The following FCRL1 variants were observed in gnomAD, a reference collection of about 807,000 sequenced individuals.
FCRL1 encodes Fc receptor like 1.
In FCRL1, 34 loss-of-function variants were observed where a neutral mutation model predicts 49.2. The observed-to-expected ratio is 0.69, with a 90% CI of 0.53 to 0.92. The LOEUF is 0.92. Ranked by LOEUF, FCRL1 falls within the 40% of genes least tolerant of loss-of-function variation. The pLI is 0.00. For synonymous variants in FCRL1, 218 were observed against 201.6 expected, an observed-to-expected ratio of 1.08 and a Z score of -0.69; for missense variants, 524 against 524.1, an observed-to-expected ratio of 1.00 and a Z score of 0.00.
chr1:157,818,945 T>C (rs1489100214), intron 1 of FCRL1, among the ~76,000 whole-genome samples: 1 of 152,158 alleles, frequency 6.6e-6, no homozygotes, highest in African/African-American at 2.4e-5. Context: ...AAGAGGGTCA[T>C]GGGCCTAATG....
intron 2 of FCRL1, chr1:157,806,848 CTG>C (rs1653539404): frequency 5.0e-6 from 2 of 397,958 alleles, no homozygotes; most frequent in Admixed American, 4.5e-5. Context: ...GGAAGTAAGA[CTG>C]TGTTCTTGAG....
Position 157,797,902 on chromosome 1 carries a change from C to A in FCRL1, c.1152G>T (p.Ala384=), listed in dbSNP as rs376569181. 6.2e-7 allele frequency: 1 copy of A among 1,614,142 alleles called. No homozygotes were observed. The highest frequency in any genetic ancestry group is 2.2e-5 in the East Asian group (1 of 44,882). Residue 384 remains alanine (A), a synonymous_variant, in exon 9 of 11, where the codon GCG becomes GCT. Coordinates refer to ENST00000368176, the MANE Select transcript of FCRL1 (RefSeq NM_052938.5). ...VVSGDEVYSL[A]YYNQPEQESV... Reference sequence around the variant, plus strand: ...ATTCCTGCTCCGGCTGGTTATAGTACGCCAGTGAATAAACCTCATCCCCAC... The same window carrying A: ...ATTCCTGCTCCGGCTGGTTATAGTAAGCCAGTGAATAAACCTCATCCCCAC...
chr1:157,799,803 TA>T (rs988005033), intron 7 of FCRL1, among the ~76,000 whole-genome samples: 19 of 151,010 alleles, frequency 1.3e-4, no homozygotes, highest in South Asian at 1.0e-3. Flanking sequence ...ATAATAAAAT[TA>T]AAAAAAAATT....
chr1:157,800,977 C>T (rs1269146024), intron 6 of FCRL1, among the ~76,000 whole-genome samples: 1 of 152,084 alleles, frequency 6.6e-6, no homozygotes, highest in Non-Finnish European at 1.5e-5. Flanking sequence ...CTGCAACCTC[C>T]AACTCCCTGG....
Position 157,795,133 on chromosome 1 carries a change from C to T in FCRL1, c.*966G>A, listed in dbSNP as rs1651286520. On this transcript the variant is annotated 3_prime_UTR_variant, in exon 11 of 11. Transcript: ENST00000368176. ...TGCCTGGTTATTTTAAAATTCAATA[C>T]ATTGCTTGAGCCCAGGAGTTTGAGA... 1 of 152,058 alleles carries T rather than the reference C, an allele frequency of 6.6e-6. No individual in the cohort carries two copies. The highest frequency in any genetic ancestry group is 2.4e-5 in the African/African-American group (1 of 41,372). The allele number at this position is 152,058 out of a possible 1,614,324, so 9.4% of individuals were successfully genotyped here.
chr1:157,797,796 A>G (rs960537220), intron 9 of FCRL1, 72 bp downstream of exon 9: 5 of 1,612,342 alleles, frequency 3.1e-6, no homozygotes, highest in Non-Finnish European at 4.2e-6. Context: ...TCTGCCATGC[A>G]CAGCCACTGA....
intron 1 of FCRL1, among the ~76,000 whole-genome samples, chr1:157,817,318 C>A (rs1655182818): frequency 6.6e-6 from 1 of 151,932 alleles, no homozygotes; most frequent in African/African-American, 2.4e-5. Flanking sequence ...TGTACAGGCA[C>A]AAAAACAGAC....
At chr1:157,801,793 A>G in intron 5 of FCRL1, 122 bp downstream of exon 5, 1 of 1,175,894 alleles carries the variant, frequency 8.5e-7, no homozygotes, top group Non-Finnish European at 1.2e-6. Flanking sequence ...TCATGACAGC[A>G]CCTCACACAG....
intron 2 of FCRL1, among the ~76,000 whole-genome samples, chr1:157,804,758 C>T (rs947689337): frequency 1.3e-5 from 2 of 152,164 alleles, no homozygotes; most frequent in African/African-American, 4.8e-5. Context: ...AGCTTCTTTA[C>T]AAACCTCTGT....
Position 157,801,552 on chromosome 1 carries a change from A to G in FCRL1, c.912T>C (p.His304=), listed in dbSNP as rs1391222351. The G allele has an allele frequency of 2.5e-6, 4 of 1,613,854 alleles. No individual in the cohort carries two copies. Among genetic ancestry groups the G allele is most frequent in the East Asian group, 2.2e-5 (1 of 44,884 alleles). Residue 304 remains histidine (H), a synonymous_variant, in exon 6 of 11, where the codon CAT becomes CAC. Transcript: ENST00000368176. The part of the protein sequence containing the change: ...FTVPTGARSN[H]LTSGVIEGLL... Reference sequence around the variant, plus strand: ...GCCCCTCAATGACTCCTGAGGTAAGATGATTGCTTCTGGCCCCAGTAGGCA... The same window carrying G: ...GCCCCTCAATGACTCCTGAGGTAAGGTGATTGCTTCTGGCCCCAGTAGGCA...
chr1:157,796,026 A>T lies in FCRL1; in HGVS notation c.*73T>A. The T allele has an allele frequency of 8.1e-7, 1 of 1,235,824 alleles. No homozygotes were observed. Among genetic ancestry groups the T allele is most frequent in the Non-Finnish European group, 1.2e-6 (1 of 836,010 alleles). 76.6% of individuals were successfully genotyped at this position (1,235,824 alleles called of 1,614,324 possible). On this transcript the variant is annotated 3_prime_UTR_variant, in exon 11 of 11. Transcript: ENST00000368176. ...TATACTGGAAAGCTAATGCCCCAGG[A>T]TCTCTGAAGAACATATCAGGCCTGA...
At chr1:157,796,846 T>C (rs1187090440) in intron 10 of FCRL1, among the ~76,000 whole-genome samples, 1 of 152,252 alleles carries the variant, frequency 6.6e-6, no homozygotes, top group African/African-American at 2.4e-5. Context: ...AGACTAGGTA[T>C]GCACTGCAGT....
chr1:157,801,155 G>T (rs906990547), intron 6 of FCRL1, among the ~76,000 whole-genome samples: 12 of 152,194 alleles, frequency 7.9e-5, no homozygotes, highest in African/African-American at 2.9e-4. Flanking sequence ...CTCCAAAAGT[G>T]CTGGGATTAC....
intron 10 of FCRL1, 100 bp downstream of exon 10, chr1:157,797,001 G>A: frequency 1.8e-6 from 2 of 1,134,232 alleles, no homozygotes; most frequent in Non-Finnish European, 2.7e-6. Context: ...GTAGACCATG[G>A]GATTTTTGCT....
At chr1:157,816,917 A>AT (rs1315579013) in intron 1 of FCRL1, among the ~76,000 whole-genome samples, 1 of 151,964 alleles carries the variant, frequency 6.6e-6, no homozygotes, top group African/African-American at 2.4e-5. Flanking sequence ...AATAGTTATA[A>AT]AATAATAAAA....
At chr1:157,805,014 C>G (rs1303084813) in intron 2 of FCRL1, among the ~76,000 whole-genome samples, 1 of 152,100 alleles carries the variant, frequency 6.6e-6, no homozygotes, top group African/African-American at 2.4e-5. Context: ...CACATGCCAC[C>G]AAGCCCAGCT....
At chr1:157,802,792 T>C in intron 3 of FCRL1, 128 bp from the exon 4 acceptor site, 1 of 975,616 alleles carries the variant, frequency 1.0e-6, no homozygotes, top group Non-Finnish European at 1.5e-6. Context: ...TTAATTTGGG[T>C]GAGGTGGGGA....
rs752115058 is a variant in FCRL1 at position 157,801,617 on chromosome 1, G to A, written c.887-40C>T. 1.8e-5 allele frequency: 25 copies of A among 1,409,094 alleles called. No homozygotes were observed. In the South Asian group the frequency reaches 2.9e-4, roughly 16 times the overall value. The allele number at this position is 1,409,094 out of a possible 1,614,324, so 87.3% of individuals were successfully genotyped here. On this transcript the variant is annotated intron_variant, in intron 5 of 10. Coordinates refer to ENST00000368176, the MANE Select transcript of FCRL1 (RefSeq NM_052938.5). ...CTGTGCATGATCTGCTCAGAGGAAG[G>A]GCTTGGGGCTTAGAGAGCAGACATC... is the stretch of plus-strand genomic sequence containing the variant.
In FCRL1 at chr1:157,802,552, G is replaced by T; in HGVS notation, c.432C>A (p.Thr144=). The T allele has an allele frequency of 6.2e-7, 1 of 1,614,210 alleles. No homozygotes were observed. Among genetic ancestry groups the T allele is most frequent in the South Asian group, 1.1e-5 (1 of 91,084 alleles). ...CSVAMGTGDI[T]FLWYKGAVGL... ...CTACAGCCCCTTTGTACCAAAGGAA[G>T]GTGATGTCTCCTGTGCCCATAGCAA... The change falls in exon 4 of 11, where the codon ACC becomes ACA. Residue 144 remains threonine (T), a synonymous_variant. Coordinates refer to ENST00000368176, the MANE Select transcript of FCRL1 (RefSeq NM_052938.5).
Sources: gnomAD v4.1 joint callset for allele counts (sites outside exome capture counted in the v4.1 genomes callset) on GRCh38, gnomAD v4.1.1 for gene constraint, MANE v1.5 for transcripts, NCBI Gene and HGNC (gene_info 2026-07-23, HGNC 2026-07-21) for gene names.